The following ZNRF1 variants were observed in gnomAD, a reference collection of about 807,000 sequenced individuals.
ZNRF1 encodes the protein zinc and ring finger 1, also known as E3 ubiquitin-protein ligase ZNRF1.
In ZNRF1, 3 loss-of-function variants were observed where a neutral mutation model predicts 18.4. The observed-to-expected ratio is 0.16, with a 90% CI of 0.07 to 0.42. ZNRF1 has a LOEUF of 0.42. Among genes scored for constraint, ZNRF1 ranks in the 10% least tolerant of loss-of-function variants. The pLI, the probability that ZNRF1 is intolerant of heterozygous loss-of-function variation, is 0.99. For synonymous variants in ZNRF1, 157 were observed against 144.2 expected, an observed-to-expected ratio of 1.09 and a Z score of -0.64; for missense variants, 310 against 329.8, an observed-to-expected ratio of 0.94 and a Z score of 0.47.
chr16:75,030,567 A>G (rs1478031839), intron 1 of ZNRF1, among the ~76,000 whole-genome samples: 1 of 152,188 alleles, frequency 6.6e-6, no homozygotes, highest in Non-Finnish European at 1.5e-5. Context: ...AGCACAAGCA[A>G]CACAAGAGAA....
At chr16:75,054,122 G>A (rs1033627178) in intron 1 of ZNRF1, among the ~76,000 whole-genome samples, 2 of 152,154 alleles carry the variant, frequency 1.3e-5, no homozygotes, top group African/African-American at 4.8e-5. Context: ...CTCTGGTTTC[G>A]TGGTTCCTGT....
chr16:75,027,128 A>T (rs115187604), intron 1 of ZNRF1, among the ~76,000 whole-genome samples: 1 of 151,910 alleles, frequency 6.6e-6, no homozygotes, highest in Non-Finnish European at 1.5e-5. Context: ...GGCTCTAGCC[A>T]TGTATAGTGG....
intron 1 of ZNRF1, among the ~76,000 whole-genome samples, chr16:75,089,940 G>A (rs2036116221): frequency 1.3e-5 from 2 of 152,172 alleles, no homozygotes; most frequent in Admixed American, 1.3e-4. Context: ...AGAAACATAA[G>A]TACCTGCAAG....
At chr16:75,026,972 C>T (rs1269631217) in intron 1 of ZNRF1, among the ~76,000 whole-genome samples, 2 of 151,846 alleles carry the variant, frequency 1.3e-5, no homozygotes, top group Non-Finnish European at 2.9e-5. Flanking sequence ...ATTAAGTGCC[C>T]GGCACAGTTC....
chr16:75,000,509 G>C (rs575770276), intron 1 of ZNRF1: 287 of 340,718 alleles, frequency 8.4e-4, no homozygotes, highest in Non-Finnish European at 1.5e-3. Flanking sequence ...CTCCTAAACA[G>C]AGTGTGTGAA....
intron 1 of ZNRF1, among the ~76,000 whole-genome samples, chr16:75,059,708 C>T (rs533885092): frequency 6.6e-6 from 1 of 152,058 alleles, no homozygotes; most frequent in Non-Finnish European, 1.5e-5. Context: ...TGTTTGGAGC[C>T]AAAAGTTCGA....
rs1372537058 is a variant in ZNRF1, at chr16:75,108,498, C to G, written c.*798C>G. 1.5e-5 allele frequency: 6 copies of G among 398,428 alleles called. No homozygotes were observed. The highest frequency in any genetic ancestry group is 1.1e-4 in the East Asian group (3 of 28,068). The allele number at this position is 398,428 out of a possible 1,614,324, so 24.7% of individuals were successfully genotyped here. On this transcript the variant is annotated 3_prime_UTR_variant, in exon 5 of 5. Coordinates refer to ENST00000335325, the MANE Select transcript of ZNRF1 (RefSeq NM_032268.5). The stretch of plus-strand genomic sequence containing the variant: ...AAGACTTACTAAGAAATATGTACAG[C>G]TACCCCTGTTTTCAGGCACTATGTT...
intron 1 of ZNRF1, among the ~76,000 whole-genome samples, chr16:75,057,519 G>A (rs1468065631): frequency 6.6e-6 from 1 of 152,156 alleles, no homozygotes; most frequent in African/African-American, 2.4e-5. Context: ...TATCTTGACC[G>A]CTTTCATTTT....
At chr16:75,016,581 G>A (rs548715027) in intron 1 of ZNRF1, among the ~76,000 whole-genome samples, 57 of 151,704 alleles carry the variant, frequency 3.8e-4, no homozygotes, top group African/African-American at 1.3e-3. Context: ...TGTCACCCAG[G>A]CCGGAGTGCA....
intron 1 of ZNRF1, among the ~76,000 whole-genome samples, chr16:75,008,884 C>G (rs1006189379): frequency 6.6e-6 from 1 of 152,100 alleles, no homozygotes; most frequent in Admixed American, 6.6e-5. Context: ...TTCCAAAGCC[C>G]TATTTCTGGG....
At chr16:75,071,981 C>A (rs1371377155) in intron 1 of ZNRF1, among the ~76,000 whole-genome samples, 1 of 152,104 alleles carries the variant, frequency 6.6e-6, no homozygotes, top group Non-Finnish European at 1.5e-5. Context: ...TAAGGTCTTT[C>A]CAGCTGGAGT....
intron 2 of ZNRF1, chr16:75,095,697 C>T (rs1221946169): frequency 6.5e-6 from 10 of 1,549,168 alleles, no homozygotes; most frequent in East Asian, 2.4e-5. Context: ...TGCTCTTGGG[C>T]CCCCATGGCC....
At chr16:75,028,333 G>A (rs957491353) in intron 1 of ZNRF1, among the ~76,000 whole-genome samples, 3 of 152,092 alleles carry the variant, frequency 2.0e-5, no homozygotes, top group South Asian at 2.1e-4. Context: ...TTCACTCGAC[G>A]CCCAGGCTAG....
In ZNRF1 at chr16:75,110,611, T is replaced by C. The variant is rs1467427237; in HGVS notation, c.*2911T>C. 2 of 152,294 alleles carry C rather than the reference T, an allele frequency of 1.3e-5. No homozygotes were observed. Among genetic ancestry groups the C allele is most frequent in the African/African-American group, 4.8e-5 (2 of 41,482 alleles). 9.4% of individuals were successfully genotyped at this position (152,294 alleles called of 1,614,324 possible). On this transcript the variant is annotated 3_prime_UTR_variant, in exon 5 of 5. Coordinates refer to ENST00000335325, the MANE Select transcript of ZNRF1 (RefSeq NM_032268.5). Reference sequence around the variant, plus strand: ...GCAAATAAGGCCAAAATGTTCATTGTTGAATCTGCAGTGGCTGGTATTTCA... The same window carrying C: ...GCAAATAAGGCCAAAATGTTCATTGCTGAATCTGCAGTGGCTGGTATTTCA...
intron 1 of ZNRF1, among the ~76,000 whole-genome samples, chr16:75,092,641 G>A (rs759587209): frequency 7.2e-5 from 11 of 152,210 alleles, no homozygotes; most frequent in East Asian, 1.9e-4. Flanking sequence ...AGTTCAACTC[G>A]AAAGATTCTC....
chr16:75,000,971 G>A (rs1419689415), intron 1 of ZNRF1, among the ~76,000 whole-genome samples: 1 of 152,208 alleles, frequency 6.6e-6, no homozygotes, highest in Non-Finnish European at 1.5e-5. Flanking sequence ...GCAAAAGGTT[G>A]GAGGGGGATT....
chr16:75,046,223 A>G (rs559026311), intron 1 of ZNRF1, among the ~76,000 whole-genome samples: 1 of 150,920 alleles, frequency 6.6e-6, no homozygotes, highest in African/African-American at 2.4e-5. Flanking sequence ...TTGCATTTAT[A>G]TAGGCCTCAA....
Position 75,093,679 on chromosome 16 carries a change from G to A in ZNRF1, c.520+12G>A. The A allele has an allele frequency of 6.2e-7, 1 of 1,610,244 alleles. No homozygotes were observed. ...CCTCTCCTACAACGGTAAGGGCTTG[G>A]CCTGCCTCACCAGCCTCCAGAGCAT... On this transcript the variant is annotated intron_variant, in intron 2 of 4. Transcript: ENST00000335325.
intron 1 of ZNRF1, among the ~76,000 whole-genome samples, chr16:75,039,188 T>C (rs1345353241): frequency 6.6e-6 from 1 of 152,208 alleles, no homozygotes; most frequent in African/African-American, 2.4e-5. Context: ...ATGAACAGAT[T>C]TAAAATTAGA....
Sources: gnomAD v4.1 joint callset for allele counts (sites outside exome capture counted in the v4.1 genomes callset) on GRCh38, gnomAD v4.1.1 for gene constraint, MANE v1.5 for transcripts, NCBI Gene and HGNC (gene_info 2026-07-23, HGNC 2026-07-21) for gene names.